ASB14: variants seen among roughly 807,000 people sequenced by gnomAD.
ASB14 encodes the protein ankyrin repeat and SOCS box containing 14, also known as ankyrin repeat and SOCS box protein 14.
A neutral mutation model predicts 55.6 loss-of-function variants in ASB14; 63 were observed. The observed-to-expected ratio is 1.13, with a 90% confidence interval of 0.92 to 1.40. The LOEUF is 1.40. Among genes scored for constraint, ASB14 ranks in the 40% most tolerant of loss-of-function variants. ASB14 has a pLI of 0.00. For synonymous variants in ASB14, 256 were observed against 259.9 expected, an observed-to-expected ratio of 0.98 and a Z score of 0.15; for missense variants, 724 against 710.4, an observed-to-expected ratio of 1.02 and a Z score of -0.22.
At chr3:57,274,485 C>T (rs1015352927) in intron 10 of ASB14, among the ~76,000 whole-genome samples, 6 of 152,090 alleles carry the variant, frequency 3.9e-5, no homozygotes, top group Non-Finnish European at 8.8e-5. Context: ...GAGGTCGAGA[C>T]AGCCTGACCA....
At chr3:57,281,499 A>T (rs562885598) in intron 6 of ASB14, among the ~76,000 whole-genome samples, 1 of 152,300 alleles carries the variant, frequency 6.6e-6, no homozygotes, top group South Asian at 2.1e-4. Context: ...TATAAAAAAG[A>T]TGTAGTGACT....
At chr3:57,292,406 C>CA (rs2061140812) in intron 1 of ASB14, among the ~76,000 whole-genome samples, 1 of 151,986 alleles carries the variant, frequency 6.6e-6, no homozygotes, top group Non-Finnish European at 1.5e-5. Context: ...AGCACTCATC[C>CA]AAAATAATAT....
chr3:57,290,969 T>G (rs2107631631), intron 2 of ASB14, among the ~76,000 whole-genome samples: 1 of 152,366 alleles, frequency 6.6e-6, no homozygotes, highest in East Asian at 1.9e-4. Flanking sequence ...TGCTCTTCAC[T>G]TACTAGTTCT....
chr3:57,287,817 T>C (rs2061091838), intron 5 of ASB14, 84 bp downstream of exon 5: 1 of 1,368,794 alleles, frequency 7.3e-7, no homozygotes, highest in Non-Finnish European at 9.9e-7. Context: ...GCTGCAACTA[T>C]GCATAAAAAG....
intron 8 of ASB14, 120 bp downstream of exon 8, chr3:57,278,255 TTA>T: frequency 1.5e-6 from 1 of 688,728 alleles, no homozygotes; most frequent in Non-Finnish European, 2.4e-6. Flanking sequence ...TATCATATAA[TTA>T]TTATACTAGG....
intron 7 of ASB14, 108 bp from the exon 8 acceptor site, chr3:57,279,028 A>T: frequency 9.4e-7 from 1 of 1,062,764 alleles, no homozygotes; most frequent in East Asian, 2.6e-5. Context: ...TTCAGGGGGC[A>T]TTTAGAACCC....
At chr3:57,276,442 G>A in intron 10 of ASB14, 86 bp downstream of exon 10, 16 of 960,552 alleles carry the variant, frequency 1.7e-5, no homozygotes, top group Admixed American at 2.6e-5. Context: ...GACTTAGACT[G>A]CATTGAGATT....
At position 57,288,079 on chromosome 3, in the gene ASB14, C is replaced by T; in HGVS notation, c.311-20G>A. On this transcript the variant is annotated intron_variant, in intron 4 of 10. Coordinates refer to ENST00000487349, the MANE Select transcript of ASB14 (RefSeq NM_001142733.3). ...CTGAAGCTGAAATAAATTCATCATACCACACAAATTAAGATATAGAAATGA... is the reference window on the plus strand; with the variant it reads ...CTGAAGCTGAAATAAATTCATCATATCACACAAATTAAGATATAGAAATGA... 1 of 1,536,156 alleles carries T rather than the reference C, an allele frequency of 6.5e-7. No homozygotes were observed.
intron 10 of ASB14, chr3:57,269,822 TA>T (rs200042046): frequency 6.3e-5 from 65 of 1,032,850 alleles, no homozygotes; most frequent in Admixed American, 7.7e-5. Flanking sequence ...AGCTACATTT[TA>T]AAAAAAAGAT....
At position 57,276,626 on chromosome 3, in the gene ASB14, G is replaced by C. The variant is rs1421166535; in HGVS notation, c.1688C>G (p.Pro563Arg). 1.9e-6 allele frequency: 3 copies of C among 1,613,748 alleles called. 1 individual carries two copies. The highest frequency in any genetic ancestry group is 2.2e-5 in the South Asian group (2 of 91,074). Residue 563 changes from proline (P) to arginine (R), a missense_variant, in exon 10 of 11, where the codon CCC (proline) becomes CGC (arginine). Pro to Arg is a moderately radical substitution (Grantham distance 103). Coordinates refer to ENST00000487349, the MANE Select transcript of ASB14 (RefSeq NM_001142733.3). The stretch of plus-strand genomic sequence containing the variant: ...AAGGACATATGCTTTTAGACGATTG[G>C]GTAATGGAAGAAATGACATGAAGAC... Reference protein sequence around the residue: ...CPVFMSFLPLPNRLKAYVLYK... With the variant: ...CPVFMSFLPLRNRLKAYVLYK...
At chr3:57,288,708 C>CCT (rs2061101620) in intron 3 of ASB14, among the ~76,000 whole-genome samples, 5 of 102,380 alleles carry the variant, frequency 4.9e-5, no homozygotes, top group African/African-American at 1.7e-4. Context: ...CATATCTTTC[C>CCT]TTTTTTTTTT....
chr3:57,277,147 A>G (rs2060995898), intron 9 of ASB14, among the ~76,000 whole-genome samples: 1 of 151,838 alleles, frequency 6.6e-6, no homozygotes, highest in Non-Finnish European at 1.5e-5. Flanking sequence ...CATGCCTGTA[A>G]TCTCAGCTAC....
At position 57,268,385 on chromosome 3, in the gene ASB14, A is replaced by C. The variant is rs923907401; in HGVS notation, c.*1256T>G. 6.5e-7 allele frequency: 1 copy of C among 1,529,060 alleles called. No homozygotes were observed. Among genetic ancestry groups the C allele is most frequent in the Non-Finnish European group, 8.9e-7 (1 of 1,121,644 alleles). 94.7% of individuals were successfully genotyped at this position (1,529,060 alleles called of 1,614,324 possible). ...CATATTTAATTCATTAGTTTTATTC[A>C]TCTGTTCTTTAGGATCGTAGGGCAT... On this transcript the variant is annotated 3_prime_UTR_variant, in exon 11 of 11. Coordinates refer to ENST00000487349, the MANE Select transcript of ASB14 (RefSeq NM_001142733.3).
intron 10 of ASB14, among the ~76,000 whole-genome samples, chr3:57,275,660 AT>A (rs1011181937): frequency 1.4e-4 from 21 of 152,132 alleles, no homozygotes; most frequent in Admixed American, 1.3e-3. Context: ...TGGCTTAAAG[AT>A]GTGGATACCT....
At chr3:57,288,708 CTTT>C (rs747854434) in intron 3 of ASB14, among the ~76,000 whole-genome samples, 63 of 102,364 alleles carry the variant, frequency 6.2e-4, no homozygotes, top group Admixed American at 8.4e-4. Flanking sequence ...CATATCTTTC[CTTT>C]TTTTTTTTTT....
intron 5 of ASB14, 116 bp from the exon 6 acceptor site, chr3:57,283,555 G>C (rs556476769): frequency 9.3e-7 from 1 of 1,074,100 alleles, no homozygotes; most frequent in Non-Finnish European, 1.3e-6. Flanking sequence ...TCCCAGACCC[G>C]AACATTCTGT....
intron 2 of ASB14, 121 bp from the exon 3 acceptor site, chr3:57,289,244 G>A (rs998166141): frequency 3.0e-6 from 2 of 667,326 alleles, no homozygotes; most frequent in Admixed American, 2.6e-5. Flanking sequence ...TTTCATAGGA[G>A]GCAATGACTG....
intron 7 of ASB14, among the ~76,000 whole-genome samples, chr3:57,279,666 C>A (rs1184000029): frequency 6.6e-6 from 1 of 151,882 alleles, no homozygotes; most frequent in Non-Finnish European, 1.5e-5. Flanking sequence ...CCACTGCACT[C>A]CAGCCTGGCT....
Position 57,269,575 on chromosome 3 carries a change from C to T in ASB14, c.*66G>A. 1 of 1,613,982 alleles carries T rather than the reference C, an allele frequency of 6.2e-7. No individual in the cohort carries two copies. Among genetic ancestry groups the T allele is most frequent in the African/African-American group, 1.3e-5 (1 of 75,034 alleles). ...GAACAAAGTCGGTTGATAGCTGCTT[C>T]CAGTAGACCAAACCAAGCCAGTAGT... On this transcript the variant is annotated 3_prime_UTR_variant, in exon 11 of 11. Coordinates refer to ENST00000487349, the MANE Select transcript of ASB14 (RefSeq NM_001142733.3).
Sources: gnomAD v4.1 joint callset for allele counts (sites outside exome capture counted in the v4.1 genomes callset) on GRCh38, gnomAD v4.1.1 for gene constraint, MANE v1.5 for transcripts, NCBI Gene and HGNC (gene_info 2026-07-23, HGNC 2026-07-21) for gene names.